Variants in USP25 observed in about 807,000 individuals in gnomAD.
USP25 encodes the protein ubiquitin specific peptidase 25, also known as ubiquitin carboxyl-terminal hydrolase 25.
USP25 carries 85 observed loss-of-function variants against 158.5 expected under a neutral mutation model. That is an observed-to-expected ratio of 0.54 (90% CI 0.45 to 0.64). The LOEUF is 0.64. Ranked by LOEUF, USP25 falls within the 30% of genes least tolerant of loss-of-function variation. USP25 has a pLI of 0.00. For missense variants in USP25, 1,242 were observed against 1,327.3 expected (o/e 0.94, Z 1.00); for synonymous variants, 464 against 460.4 (o/e 1.01, Z -0.10).
chr21:15,774,503 GACA>G (rs1202565298), intron 3 of USP25, among the ~76,000 whole-genome samples: 1 of 151,324 alleles, frequency 6.6e-6, no homozygotes, highest in African/African-American at 2.4e-5. Flanking sequence ...TTTTTTTCCA[GACA>G]ACATCTGCCA....
intron 4 of USP25, among the ~76,000 whole-genome samples, chr21:15,784,959 A>G (rs1421997440): frequency 6.6e-6 from 1 of 151,272 alleles, no homozygotes; most frequent in Non-Finnish European, 1.5e-5. Flanking sequence ...AATATAGAGC[A>G]GCTGGATGGA....
rs1385716596 is a variant in USP25, at chr21:15,833,454, A to G, written c.2100A>G (p.Leu700=). 25 of 1,614,032 alleles carry G rather than the reference A, an allele frequency of 1.5e-5. No homozygotes were observed. The highest frequency in any genetic ancestry group is 2.7e-5 in the African/African-American group (2 of 74,936). ...ACAACCAACGATTTGAAAAAGAACT[A>G]GAAGAATGGGATGCACAACTTGCCC... is the stretch of plus-strand genomic sequence containing the variant. ...EEDNQRFEKE[L]EEWDAQLAQK... Residue 700 remains leucine (L), a synonymous_variant, in exon 17 of 26, where the codon CTA becomes CTG. Transcript: ENST00000400183.
intron 4 of USP25, among the ~76,000 whole-genome samples, chr21:15,782,322 T>C (rs904409467): frequency 1.3e-5 from 2 of 152,134 alleles, no homozygotes; most frequent in African/African-American, 2.4e-5. Context: ...CACTGGAGGA[T>C]TGTGCACAGC....
At chr21:15,866,809 T>G (rs969680579) in intron 22 of USP25, among the ~76,000 whole-genome samples, 1 of 152,144 alleles carries the variant, frequency 6.6e-6, no homozygotes, top group Non-Finnish European at 1.5e-5. Flanking sequence ...AGTGTTCTTA[T>G]TCCCATTTGA....
chr21:15,817,719 C>T (rs1182333222), intron 9 of USP25, among the ~76,000 whole-genome samples: 1 of 152,102 alleles, frequency 6.6e-6, no homozygotes, highest in Non-Finnish European at 1.5e-5. Flanking sequence ...GGGGAAACCC[C>T]TTATAAAACC....
chr21:15,860,189 G>A (rs2039363119), intron 20 of USP25, among the ~76,000 whole-genome samples: 1 of 151,888 alleles, frequency 6.6e-6, no homozygotes, highest in African/African-American at 2.4e-5. Flanking sequence ...GTCTCACACT[G>A]TTTCCCAGGC....
intron 17 of USP25, among the ~76,000 whole-genome samples, chr21:15,841,900 C>G (rs1416842505): frequency 2.0e-5 from 3 of 152,062 alleles, no homozygotes; most frequent in African/African-American, 7.3e-5. Flanking sequence ...TTATTGGTAC[C>G]AGTTTGCCTT....
intron 20 of USP25, among the ~76,000 whole-genome samples, chr21:15,863,341 T>C (rs2039513835): frequency 6.6e-6 from 1 of 152,172 alleles, no homozygotes; most frequent in South Asian, 2.1e-4. Context: ...TATATTATCA[T>C]TATTATTCTT....
In USP25 at chr21:15,777,934, A is replaced by G. The variant is rs1393506444; in HGVS notation, c.299A>G (p.Asp100Gly). 1 of 1,611,720 alleles carries G rather than the reference A, an allele frequency of 6.2e-7. No homozygotes were observed. Among genetic ancestry groups the G allele is most frequent in the Non-Finnish European group, 8.5e-7 (1 of 1,179,160 alleles). The change falls in exon 4 of 26, where the codon GAT becomes GGT. Residue 100 changes from aspartate (D) to glycine (G), a missense_variant. By Grantham distance (94) the Asp-to-Gly change is moderately conservative. Coordinates refer to ENST00000400183, the MANE Select transcript of USP25 (RefSeq NM_001283041.3). ...NVIDLTGDDK[D>G]DLQRAIALSL... ...ATTGATCTCACTGGAGATGATAAAG[A>G]TGATCTTCAGAGAGCAATTGCCTTG... is the stretch of plus-strand genomic sequence containing the variant.
At position 15,878,444 on chromosome 21, in the gene USP25, C is replaced by T. The variant is rs1199804645; in HGVS notation, c.3347C>T (p.Ser1116Phe). 1 of 1,613,904 alleles carries T rather than the reference C, an allele frequency of 6.2e-7. No individual in the cohort carries two copies. Among genetic ancestry groups the T allele is most frequent in the Admixed American group, 1.7e-5 (1 of 59,994 alleles). ...GAGCGATTTGCCCGAATCATGTTGT[C>T]CCTCAGTCGAACTCCTGCTGATGGA... ...LCERFARIML[S>F]LSRTPADGR is the part of the protein sequence containing the mutation. Residue 1116 changes from serine (S) to phenylalanine (F), a missense_variant, in exon 26 of 26, where the codon TCC becomes TTC. Ser to Phe is a radical substitution (Grantham distance 155, BLOSUM62 -2). This residue lies in a region of USP25 where 608 missense variants were observed against 605.2 expected (regional missense o/e 1.00). Transcript: ENST00000400183.
chr21:15,770,247 C>T (rs1342907022), intron 3 of USP25, among the ~76,000 whole-genome samples: 3 of 151,984 alleles, frequency 2.0e-5, no homozygotes, highest in South Asian at 4.1e-4. Flanking sequence ...ATATGTAAAA[C>T]GATTTTTGAT....
intron 1 of USP25, among the ~76,000 whole-genome samples, chr21:15,757,803 T>A (rs75668295): frequency 6.6e-6 from 1 of 152,112 alleles, no homozygotes; most frequent in African/African-American, 2.4e-5. Flanking sequence ...AAATACATCA[T>A]GTGTGAGGAA....
At chr21:15,771,381 G>A (rs1405178420) in intron 3 of USP25, among the ~76,000 whole-genome samples, 1 of 152,042 alleles carries the variant, frequency 6.6e-6, no homozygotes, top group Non-Finnish European at 1.5e-5. Flanking sequence ...GCTGGGCATA[G>A]GATAATATGT....
chr21:15,740,438 C>T (rs1313017812), intron 1 of USP25, among the ~76,000 whole-genome samples: 3 of 152,082 alleles, frequency 2.0e-5, no homozygotes, highest in Non-Finnish European at 4.4e-5. Flanking sequence ...ATCAGTGCAG[C>T]AACATGTTTC....
At chr21:15,774,736 C>A (rs2034540403) in intron 3 of USP25, among the ~76,000 whole-genome samples, 1 of 152,100 alleles carries the variant, frequency 6.6e-6, no homozygotes, top group Non-Finnish European at 1.5e-5. Flanking sequence ...TAGGTTTAAT[C>A]TTTTCGCCAA....
At chr21:15,753,844 T>C (rs1441483527) in intron 1 of USP25, among the ~76,000 whole-genome samples, 1 of 151,834 alleles carries the variant, frequency 6.6e-6, no homozygotes, top group Admixed American at 6.6e-5. Context: ...ATAAGAGACT[T>C]GAAGAAGGGT....
At chr21:15,751,301 A>G (rs567040846) in intron 1 of USP25, among the ~76,000 whole-genome samples, 1 of 152,278 alleles carries the variant, frequency 6.6e-6, no homozygotes, top group Admixed American at 6.5e-5. Context: ...ATCTAGATGA[A>G]TGGAGTTTCC....
chr21:15,815,697 C>T (rs1054819913), intron 9 of USP25, among the ~76,000 whole-genome samples: 28 of 152,290 alleles, frequency 1.8e-4, no homozygotes, highest in African/African-American at 6.3e-4. Flanking sequence ...TACCCAGTAC[C>T]TGTACTCCAA....
intron 18 of USP25, 79 bp from the exon 19 acceptor site, chr21:15,847,584 G>T (rs1363609025): frequency 8.2e-6 from 8 of 973,926 alleles, no homozygotes; most frequent in South Asian, 4.3e-5. Flanking sequence ...GGATGTGCAG[G>T]TTATACAGTT....
Sources: allele counts gnomAD v4.1 joint callset (sites outside exome capture counted in the v4.1 genomes callset), GRCh38; gene constraint gnomAD v4.1.1; regional missense constraint gnomAD v4.1.1; transcripts MANE v1.5; gene names NCBI Gene and HGNC (gene_info 2026-07-23, HGNC 2026-07-21).